MEGF9: variants seen among roughly 807,000 people sequenced by gnomAD.
MEGF9 encodes the protein multiple EGF like domains 9.
In MEGF9, 6 loss-of-function variants were observed where a neutral mutation model predicts 46.8. The observed-to-expected ratio is 0.13, with a 90% CI of 0.07 to 0.25. The LOEUF is 0.25. Among genes scored for constraint, MEGF9 ranks in the 10% least tolerant of loss-of-function variants. The pLI, the probability that MEGF9 is intolerant of heterozygous loss-of-function variation, is 1.00. For synonymous variants in MEGF9, 302 were observed against 330.7 expected (o/e 0.91, Z 0.94); for missense variants, 683 against 792.4 (o/e 0.86, Z 1.66).
At chr9:120,619,304 G>A (rs1472963074) in intron 3 of MEGF9, among the ~76,000 whole-genome samples, 5 of 152,116 alleles carry the variant, frequency 3.3e-5, no homozygotes, top group African/African-American at 1.2e-4. Context: ...CCGAGATCGC[G>A]CCACCATACT....
intron 2 of MEGF9, among the ~76,000 whole-genome samples, chr9:120,637,987 T>A (rs149955848): frequency 7.9e-5 from 12 of 151,330 alleles, no homozygotes; most frequent in African/African-American, 2.4e-4. Flanking sequence ...AAAGGGTAAA[T>A]TTTTTTTTAA....
intron 2 of MEGF9, among the ~76,000 whole-genome samples, chr9:120,626,903 A>C (rs2043527764): frequency 6.6e-6 from 1 of 152,200 alleles, no homozygotes; most frequent in South Asian, 2.1e-4. Flanking sequence ...CATACTCAGT[A>C]CTCAAAAATG....
Position 120,656,840 on chromosome 9 carries a change from TG to T in MEGF9, c.803+2533del, listed in dbSNP as rs370723920. Among the ~76,000 whole-genome samples the T allele has an allele frequency of 1.1e-3, 167 of 152,238 alleles. 2 individuals carry two copies. Among genetic ancestry groups the T allele is most frequent in the African/African-American group, 4.0e-3 (165 of 41,550 alleles). On this transcript the variant is annotated intron_variant, in intron 2 of 5. Transcript: ENST00000373930. ...GCTCATGCCTATAATCCCAGCACTT[TG>T]GGAGGCCAACGCAGGAGGATCGCTT...
intron 1 of MEGF9, among the ~76,000 whole-genome samples, chr9:120,664,433 C>A (rs1263416586): frequency 6.6e-6 from 1 of 151,890 alleles, no homozygotes; most frequent in Non-Finnish European, 1.5e-5. Context: ...GTGTGTTAAC[C>A]CTTTGCAGAT....
chr9:120,629,377 T>C (rs2043540778), intron 2 of MEGF9, among the ~76,000 whole-genome samples: 2 of 151,608 alleles, frequency 1.3e-5, no homozygotes, highest in Non-Finnish European at 2.9e-5. Context: ...CAGTGGCTCA[T>C]GCCTGTAATC....
At chr9:120,609,344 T>C (rs1200245527) in intron 4 of MEGF9, among the ~76,000 whole-genome samples, 1 of 152,220 alleles carries the variant, frequency 6.6e-6, no homozygotes, top group Non-Finnish European at 1.5e-5. Flanking sequence ...CTGTAGGAAT[T>C]AACTCAGGTA....
chr9:120,661,066 C>G (rs2043699644), intron 1 of MEGF9, among the ~76,000 whole-genome samples: 1 of 152,190 alleles, frequency 6.6e-6, no homozygotes, highest in Admixed American at 6.5e-5. Flanking sequence ...TAATCACAAG[C>G]AGCTTATTTA....
At chr9:120,711,325 T>C (rs148345857) in intron 1 of MEGF9, among the ~76,000 whole-genome samples, 1,626 of 152,330 alleles carry the variant, frequency 0.011, 30 homozygotes, top group African/African-American at 0.034. Flanking sequence ...AGACCCTAGA[T>C]ACCGATATTT....
At chr9:120,637,521 T>G (rs1587980514) in intron 2 of MEGF9, among the ~76,000 whole-genome samples, 1 of 148,040 alleles carries the variant, frequency 6.8e-6, no homozygotes, top group South Asian at 2.1e-4. Flanking sequence ...AGGCCGGGCG[T>G]GGTGGCTCAT....
rs771415894 is a variant in MEGF9 at position 120,603,647 on chromosome 9, C to T, written c.*1543G>A. 3 of 152,206 alleles carry T rather than the reference C, an allele frequency of 2.0e-5. No individual in the cohort carries two copies. Among genetic ancestry groups the T allele is most frequent in the Non-Finnish European group, 2.9e-5 (2 of 68,040 alleles). 9.4% of individuals were successfully genotyped at this position (152,206 alleles called of 1,614,324 possible). A position where few individuals can be genotyped will look rare whatever the true frequency, so the allele number is the denominator to read the frequency against. On this transcript the variant is annotated 3_prime_UTR_variant, in exon 6 of 6. Transcript: ENST00000373930. ...ATAAGTTATATTTAACATCTGACCACCTTTCCCACCCACCTTGCTTAACCC... is the reference window on the plus strand; with the variant it reads ...ATAAGTTATATTTAACATCTGACCATCTTTCCCACCCACCTTGCTTAACCC...
At chr9:120,682,572 T>TAC (rs34220125) in intron 1 of MEGF9, among the ~76,000 whole-genome samples, 96,868 of 150,336 alleles carry the variant, frequency 0.64, 31,744 homozygotes, top group South Asian at 0.74. Context: ...AACCAATTCT[T>TAC]ACACACACAC....
intron 2 of MEGF9, among the ~76,000 whole-genome samples, chr9:120,624,779 A>G (rs1403014999): frequency 1.3e-5 from 2 of 151,654 alleles, no homozygotes; most frequent in Non-Finnish European, 2.9e-5. Flanking sequence ...AGGCTGAAGC[A>G]GGAGAACTGC....
intron 3 of MEGF9, among the ~76,000 whole-genome samples, chr9:120,619,232 A>T (rs1587975104): frequency 1.3e-5 from 2 of 152,190 alleles, no homozygotes; most frequent in South Asian, 4.2e-4. Flanking sequence ...CTGTAATCCC[A>T]GCTACTTGGG....
chr9:120,606,501 A>G lies in MEGF9; in HGVS notation c.1358-860T>C, dbSNP rs966331944. ...AGAGAAAACAGCTTTCCTTAATTCC[A>G]TGTGTAGGAATTCTTCCTTTGTGTA... On this transcript the variant is annotated intron_variant, in intron 5 of 5. Coordinates refer to ENST00000373930, the MANE Select transcript of MEGF9 (RefSeq NM_001080497.3). Among the ~76,000 whole-genome samples the G allele has an allele frequency of 1.2e-4, 19 of 152,180 alleles. 1 individual carries two copies. Among genetic ancestry groups the G allele is most frequent in the African/African-American group, 3.4e-4 (14 of 41,444 alleles).
Position 120,674,254 on chromosome 9 carries a change from C to T in MEGF9, c.602-14679G>A, listed in dbSNP as rs115883328. Among the ~76,000 whole-genome samples the T allele has an allele frequency of 3.2e-3, 482 of 152,218 alleles. 6 individuals are homozygous for T. Among genetic ancestry groups the T allele is most frequent in the African/African-American group, 0.011 (461 of 41,526 alleles). On this transcript the variant is annotated intron_variant, in intron 1 of 5. Transcript: ENST00000373930. Reference sequence around the variant, plus strand: ...TGCAAATCACATTTCTGTCAAAGCACTTGCATCAAGAATATATAAAGAACC... The same window carrying T: ...TGCAAATCACATTTCTGTCAAAGCATTTGCATCAAGAATATATAAAGAACC...
chr9:120,611,882 AG>A (rs2043448823), intron 4 of MEGF9, among the ~76,000 whole-genome samples: 1 of 151,460 alleles, frequency 6.6e-6, no homozygotes, highest in Non-Finnish European at 1.5e-5. Context: ...AGAGAGAGAG[AG>A]AGAAAGAAAG....
intron 1 of MEGF9, chr9:120,691,540 A>T: frequency 3.2e-6 from 1 of 316,640 alleles, no homozygotes; most frequent in South Asian, 2.4e-5. Context: ...ATTAACTTCA[A>T]TAAAGTTGGA....
chr9:120,634,895 C>T (rs2043567270), intron 2 of MEGF9, among the ~76,000 whole-genome samples: 1 of 152,018 alleles, frequency 6.6e-6, no homozygotes, highest in South Asian at 2.1e-4. Flanking sequence ...CTTTGTCCAT[C>T]TTTTCTAACA....
intron 1 of MEGF9, among the ~76,000 whole-genome samples, chr9:120,672,433 AAAATAAAT>A (rs145401927): frequency 0.57 from 82,614 of 144,634 alleles, 25,442 homozygotes; most frequent in South Asian, 0.72. Flanking sequence ...TCTCTACAGA[AAAATAAAT>A]AAATAAATAA....
Sources: gnomAD v4.1 joint callset for allele counts (sites outside exome capture counted in the v4.1 genomes callset) on GRCh38, gnomAD v4.1.1 for gene constraint, MANE v1.5 for transcripts, NCBI Gene and HGNC (gene_info 2026-07-23, HGNC 2026-07-21) for gene names.